The following CCNY variants were observed in gnomAD, a reference collection of about 807,000 sequenced individuals.
CCNY encodes cyclin-Y.
In CCNY, 19 loss-of-function variants were observed where a neutral mutation model predicts 42.8. The observed-to-expected ratio is 0.44, with a 90% confidence interval of 0.31 to 0.65. The LOEUF is 0.65. Ranked by LOEUF, CCNY falls within the 30% of genes least tolerant of loss-of-function variation. The pLI, the probability that CCNY is intolerant of heterozygous loss-of-function variation, is 0.07. For missense variants in CCNY, 370 were observed against 437.3 expected (o/e 0.85, Z 1.37); for synonymous variants, 165 against 162.7 (o/e 1.01, Z -0.11).
intron 3 of CCNY, among the ~76,000 whole-genome samples, chr10:35,304,778 T>C (rs1235257920): frequency 6.6e-6 from 1 of 152,198 alleles, no homozygotes; most frequent in African/African-American, 2.4e-5. Flanking sequence ...GCCAGTGGCA[T>C]CCCCTAGTTG....
chr10:35,353,824 C>T (rs561446948), intron 1 of CCNY, among the ~76,000 whole-genome samples: 1 of 152,310 alleles, frequency 6.6e-6, no homozygotes, highest in South Asian at 2.1e-4. Flanking sequence ...AGTTGAAAAG[C>T]TGTACAAGAA....
chr10:35,388,239 T>C (rs1223676505), intron 1 of CCNY, among the ~76,000 whole-genome samples: 1 of 152,176 alleles, frequency 6.6e-6, no homozygotes, highest in Non-Finnish European at 1.5e-5. Context: ...AGTATATAGG[T>C]AGGCTATATT....
At chr10:35,393,179 A>G (rs1199176100) in intron 1 of CCNY, among the ~76,000 whole-genome samples, 1 of 152,180 alleles carries the variant, frequency 6.6e-6, no homozygotes, top group African/African-American at 2.4e-5. Context: ...CTTCCTCACC[A>G]TTTTAATAAG....
At chr10:35,409,604 A>G (rs779947113) in intron 1 of CCNY, among the ~76,000 whole-genome samples, 5 of 152,220 alleles carry the variant, frequency 3.3e-5, no homozygotes, top group Admixed American at 6.5e-5. Flanking sequence ...TCTAAAATTA[A>G]AAAGAAAACC....
chr10:35,378,325 A>G (rs1837099681), intron 1 of CCNY, among the ~76,000 whole-genome samples: 1 of 152,222 alleles, frequency 6.6e-6, no homozygotes, highest in African/African-American at 2.4e-5. Flanking sequence ...GGTGGTAGAT[A>G]CGAGTTTTCC....
At chr10:35,349,589 A>G (rs1258565707) in intron 1 of CCNY, among the ~76,000 whole-genome samples, 2 of 152,148 alleles carry the variant, frequency 1.3e-5, no homozygotes, top group South Asian at 2.1e-4. Context: ...ATGAATGTGT[A>G]TTTGCTAAAT....
At chr10:35,404,615 G>C (rs1837717284) in intron 1 of CCNY, among the ~76,000 whole-genome samples, 2 of 152,142 alleles carry the variant, frequency 1.3e-5, no homozygotes, top group Admixed American at 1.3e-4. Context: ...ACCTTCCACT[G>C]TAAGAGTTAC....
At chr10:35,267,785 G>T (rs1589008068) in intron 3 of CCNY, among the ~76,000 whole-genome samples, 1 of 152,142 alleles carries the variant, frequency 6.6e-6, no homozygotes, top group East Asian at 1.9e-4. Context: ...TGCAATGTCG[G>T]GTAAATAGCT....
intron 3 of CCNY, among the ~76,000 whole-genome samples, chr10:35,286,053 C>A (rs1009136050): frequency 2.0e-5 from 3 of 150,830 alleles, no homozygotes; most frequent in Non-Finnish European, 4.4e-5. Context: ...CTCAGGTGAT[C>A]CGTCCACCTC....
intron 1 of CCNY, among the ~76,000 whole-genome samples, chr10:35,436,345 A>G (rs1214455635): frequency 1.3e-5 from 2 of 152,156 alleles, no homozygotes; most frequent in Non-Finnish European, 2.9e-5. Flanking sequence ...CTTGGGCATA[A>G]AGTGACCTCT....
At chr10:35,247,517 T>C (rs1296694345) in intron 1 of CCNY, among the ~76,000 whole-genome samples, 2 of 151,410 alleles carry the variant, frequency 1.3e-5, no homozygotes, top group Admixed American at 6.6e-5. Flanking sequence ...GCCCAGGAGT[T>C]TGAGGCTGCA....
intron 3 of CCNY, among the ~76,000 whole-genome samples, chr10:35,325,165 C>T (rs2135099218): frequency 6.6e-6 from 1 of 152,096 alleles, no homozygotes; most frequent in Admixed American, 6.6e-5. Context: ...TTGGTAATGA[C>T]TCTTATTTCC....
chr10:35,483,363 C>A, intron 1 of CCNY, 41 bp from the exon 2 acceptor site: 1 of 1,290,040 alleles, frequency 7.8e-7, no homozygotes, highest in South Asian at 1.2e-5. Flanking sequence ...TCTTAGTTAT[C>A]AGATGGTTTA....
At chr10:35,419,734 CTCTT>C (rs547935137) in intron 1 of CCNY, among the ~76,000 whole-genome samples, 362 of 152,076 alleles carry the variant, frequency 2.4e-3, no homozygotes, top group Non-Finnish European at 4.3e-3. Flanking sequence ...TCTCATGTCT[CTCTT>C]TATATACGTT....
chr10:35,548,537 C>T (rs1277485020), intron 7 of CCNY, among the ~76,000 whole-genome samples: 1 of 152,136 alleles, frequency 6.6e-6, no homozygotes, highest in Non-Finnish European at 1.5e-5. Context: ...ACCTTGTGAT[C>T]TGCCCACCTT....
chr10:35,407,211 C>G (rs867585312), intron 1 of CCNY, among the ~76,000 whole-genome samples: 21 of 152,024 alleles, frequency 1.4e-4, no homozygotes, highest in Admixed American at 3.9e-4. Context: ...TGGAACGAAA[C>G]TGTAAACCAG....
chr10:35,437,298 G>A (rs757121953), intron 1 of CCNY, among the ~76,000 whole-genome samples: 1 of 152,178 alleles, frequency 6.6e-6, no homozygotes, highest in Admixed American at 6.5e-5. Context: ...TCAGGCAAAG[G>A]CCTAATAATT....
At chr10:35,343,382 CTTTTTTTTTTT>C (rs9299720) in intron 1 of CCNY, among the ~76,000 whole-genome samples, 41 of 85,906 alleles carry the variant, frequency 4.8e-4, no homozygotes, top group African/African-American at 7.5e-4. Flanking sequence ...AGCTGATGGT[CTTTTTTTTTTT>C]TTTTTTTTTT....
chr10:35,561,506 G>T (rs1841466006), intron 8 of CCNY, among the ~76,000 whole-genome samples: 1 of 152,186 alleles, frequency 6.6e-6, no homozygotes, highest in Admixed American at 6.5e-5. Context: ...GCTGGTCTCA[G>T]TTTCCTGGCA....
Sources: gnomAD v4.1 joint callset for allele counts (sites outside exome capture counted in the v4.1 genomes callset) on GRCh38, gnomAD v4.1.1 for gene constraint, MANE v1.5 for transcripts, NCBI Gene and HGNC (gene_info 2026-07-23, HGNC 2026-07-21) for gene names.